PARPBP: variants seen among roughly 807,000 people sequenced by gnomAD.
The protein encoded by PARPBP is PARP1 binding protein, also known as PCNA-interacting partner.
PARPBP carries 52 observed loss-of-function variants against 50.0 expected under a neutral mutation model. The observed-to-expected ratio is 1.04, with a 90% CI of 0.83 to 1.31. PARPBP has a LOEUF of 1.31. Ranked by LOEUF, PARPBP falls within the 50% of genes most tolerant of loss-of-function variation. The pLI, the probability that PARPBP is intolerant of heterozygous loss-of-function variation, is 0.00. For synonymous variants in PARPBP, 244 were observed against 232.1 expected (o/e 1.05, Z -0.47); for missense variants, 697 against 672.0 (o/e 1.04, Z -0.41).
At chr12:102,192,837 T>A (rs189563404) in intron 9 of PARPBP, among the ~76,000 whole-genome samples, 1 of 151,972 alleles carries the variant, frequency 6.6e-6, no homozygotes, top group Non-Finnish European at 1.5e-5. Flanking sequence ...TGGAACTTAA[T>A]AAGTGGTAAT....
At chr12:102,163,811 A>G (rs1887847048) in intron 4 of PARPBP, among the ~76,000 whole-genome samples, 2 of 152,120 alleles carry the variant, frequency 1.3e-5, no homozygotes, top group African/African-American at 4.8e-5. Context: ...TCCCTCTGTT[A>G]ATTTGTTGGT....
chr12:102,155,972 C>A (rs1594540548), intron 4 of PARPBP, among the ~76,000 whole-genome samples: 2 of 152,120 alleles, frequency 1.3e-5, no homozygotes, highest in East Asian at 3.9e-4. Context: ...TCTTCCGTGA[C>A]CCACGGCTTC....
In PARPBP at chr12:102,152,670, A is replaced by G. The variant is rs561102415; in HGVS notation, c.388-1199A>G. Among the ~76,000 whole-genome samples, 238 of 152,328 alleles carry G rather than the reference A, an allele frequency of 1.6e-3. 2 individuals carry two copies. The highest frequency in any genetic ancestry group is 2.6e-3 in the Non-Finnish European group (175 of 68,032). ...AGGTTATTACTTTTTCAAATACAAC[A>G]TGAAAGTATAAAAAAGCAGACTTTC... On this transcript the variant is annotated intron_variant, in intron 3 of 10. Transcript: ENST00000327680.
chr12:102,120,875 G>GTGATA (rs764605496), intron 1 of PARPBP, among the ~76,000 whole-genome samples: 35 of 152,320 alleles, frequency 2.3e-4, no homozygotes, highest in Non-Finnish European at 4.1e-4. Context: ...GAGCCTGGAA[G>GTGATA]TGATATCTGA....
At chr12:102,158,876 G>A (rs1368880034) in intron 4 of PARPBP, among the ~76,000 whole-genome samples, 5 of 152,064 alleles carry the variant, frequency 3.3e-5, no homozygotes, top group African/African-American at 1.2e-4. Flanking sequence ...AAGTTTAAAG[G>A]AGTATCTGTG....
intron 1 of PARPBP, 121 bp downstream of exon 1, chr12:102,120,407 G>A (rs920601299): frequency 2.2e-6 from 1 of 455,540 alleles, no homozygotes; most frequent in Admixed American, 2.4e-5. Context: ...TGGGACCGAA[G>A]TATTATGGTG....
At chr12:102,190,388 C>T (rs754238560) in intron 9 of PARPBP, among the ~76,000 whole-genome samples, 1 of 152,022 alleles carries the variant, frequency 6.6e-6, no homozygotes, top group Non-Finnish European at 1.5e-5. Flanking sequence ...ACCTTCCTGC[C>T]CTAAAGGACA....
chr12:102,165,065 T>C (rs11111190), intron 5 of PARPBP, among the ~76,000 whole-genome samples: 297 of 152,338 alleles, frequency 1.9e-3, no homozygotes, highest in African/African-American at 7.0e-3. Flanking sequence ...TATTTGACCA[T>C]AGAACTTTCC....
chr12:102,194,885 A>G (rs562215479), intron 9 of PARPBP, among the ~76,000 whole-genome samples: 3 of 151,138 alleles, frequency 2.0e-5, no homozygotes, highest in South Asian at 4.2e-4. Context: ...CTTGAATTCC[A>G]TATGCTATTT....
At chr12:102,195,541 A>G (rs1015430644) in intron 10 of PARPBP, 94 bp downstream of exon 10, 2 of 932,412 alleles carry the variant, frequency 2.1e-6, no homozygotes, top group African/African-American at 3.4e-5. Flanking sequence ...TTTGCAAAGT[A>G]CTATGAAATG....
chr12:102,166,361 T>A (rs898113741), intron 6 of PARPBP, among the ~76,000 whole-genome samples: 2 of 152,114 alleles, frequency 1.3e-5, no homozygotes, highest in Non-Finnish European at 2.9e-5. Context: ...AAGAGATTTT[T>A]AAAAATCTGA....
chr12:102,156,176 C>CTTTTTTTTTTT lies in PARPBP; in HGVS notation c.495+2218_495+2228dup, dbSNP rs869213784. Among the ~76,000 whole-genome samples, 71 of 66,184 alleles carry CTTTTTTTTTTT rather than the reference C, an allele frequency of 1.1e-3. 16 individuals are homozygous for CTTTTTTTTTTT. Among genetic ancestry groups the CTTTTTTTTTTT allele is most frequent in the African/African-American group, 4.5e-3 (67 of 14,786 alleles). 43.4% of individuals were successfully genotyped at this position (66,184 alleles called of 152,430 possible). A position where few individuals can be genotyped will look rare whatever the true frequency, so the allele number is the denominator to read the frequency against. On this transcript the variant is annotated intron_variant, in intron 4 of 10. Transcript: ENST00000327680. ...CATATTTGGCTCAGAATTAACCTTC[C>CTTTTTTTTTTT]TTTTTTTTTTTTTTTTTTTTTTTTT...
At chr12:102,125,567 A>G (rs1269351986) in intron 2 of PARPBP, among the ~76,000 whole-genome samples, 1 of 152,110 alleles carries the variant, frequency 6.6e-6, no homozygotes, top group Non-Finnish European at 1.5e-5. Context: ...TGTTCCAGGA[A>G]CAGTAAAAAG....
chr12:102,139,427 A>G (rs879812329), intron 2 of PARPBP, among the ~76,000 whole-genome samples: 1 of 152,232 alleles, frequency 6.6e-6, no homozygotes, highest in Admixed American at 6.5e-5. Context: ...GTCATCTGCA[A>G]ACAGGGACAA....
At chr12:102,121,916 A>G (rs1396958467) in intron 1 of PARPBP, among the ~76,000 whole-genome samples, 1 of 152,204 alleles carries the variant, frequency 6.6e-6, no homozygotes, top group African/African-American at 2.4e-5. Flanking sequence ...TATACATGCC[A>G]GGCACTGTTC....
At chr12:102,182,158 C>T (rs958203175) in intron 8 of PARPBP, among the ~76,000 whole-genome samples, 36 of 152,220 alleles carry the variant, frequency 2.4e-4, no homozygotes, top group African/African-American at 7.9e-4. Context: ...CCTGAGCTAG[C>T]AATATGTAGA....
chr12:102,124,181 C>T, intron 2 of PARPBP, 140 bp downstream of exon 2: 1 of 648,822 alleles, frequency 1.5e-6, no homozygotes, highest in Admixed American at 2.9e-5. Flanking sequence ...TTCACAAATG[C>T]CTCTGTGTAT....
intron 2 of PARPBP, among the ~76,000 whole-genome samples, chr12:102,131,315 ACT>A (rs1461787548): frequency 1.3e-5 from 2 of 152,154 alleles, no homozygotes; most frequent in East Asian, 1.9e-4. Flanking sequence ...ATGGAGCGAG[ACT>A]CTGTCTCAAA....
chr12:102,141,148 T>A (rs922377355), intron 2 of PARPBP, among the ~76,000 whole-genome samples: 3 of 152,248 alleles, frequency 2.0e-5, no homozygotes, highest in African/African-American at 7.2e-5. Flanking sequence ...AAGGACTTGC[T>A]ATATGAATCT....
Sources: gnomAD v4.1 joint callset for allele counts (sites outside exome capture counted in the v4.1 genomes callset) on GRCh38, gnomAD v4.1.1 for gene constraint, MANE v1.5 for transcripts, NCBI Gene and HGNC (gene_info 2026-07-23, HGNC 2026-07-21) for gene names.